The following CNTN4 variants were observed in gnomAD, a reference collection of about 807,000 sequenced individuals.
The protein encoded by CNTN4 is contactin-4.
A neutral mutation model predicts 122.5 loss-of-function variants in CNTN4; 77 were observed. The observed-to-expected ratio is 0.63, with a 90% CI of 0.52 to 0.76. CNTN4 has a LOEUF of 0.76. CNTN4 is among the 30% of genes least tolerant of loss of function. The pLI is 0.00. For synonymous variants in CNTN4, 512 were observed against 447.0 expected (o/e 1.15, Z -1.83); for missense variants, 1,256 against 1,259.1 (o/e 1.00, Z 0.04).
At chr3:2,353,623 G>A (rs116008505) in intron 3 of CNTN4, among the ~76,000 whole-genome samples, 3,087 of 152,034 alleles carry the variant, frequency 0.02, 102 homozygotes, top group African/African-American at 0.071. Context: ...GAACAACTCC[G>A]GACACACCAT....
At chr3:2,421,552 C>T (rs1056051868) in intron 3 of CNTN4, among the ~76,000 whole-genome samples, 6 of 152,078 alleles carry the variant, frequency 3.9e-5, no homozygotes, top group Admixed American at 2.0e-4. Flanking sequence ...GCTCCCAGCC[C>T]CAGCCTTCAT....
chr3:2,747,580 G>C (rs1228893866), intron 6 of CNTN4, among the ~76,000 whole-genome samples: 1 of 151,336 alleles, frequency 6.6e-6, no homozygotes, highest in African/African-American at 2.4e-5. Flanking sequence ...TTCAAGGACA[G>C]TCATTTACAT....
chr3:2,416,617 C>G (rs2047422707), intron 3 of CNTN4, among the ~76,000 whole-genome samples: 1 of 152,096 alleles, frequency 6.6e-6, no homozygotes, highest in Non-Finnish European at 1.5e-5. Context: ...TCGTGTATGA[C>G]TTGTGATGTA....
At chr3:2,299,381 T>C (rs565605659) in intron 2 of CNTN4, among the ~76,000 whole-genome samples, 1 of 152,268 alleles carries the variant, frequency 6.6e-6, no homozygotes, top group Non-Finnish European at 1.5e-5. Flanking sequence ...GGATGAATTA[T>C]ATAGTTGTGA....
chr3:2,271,110 G>A (rs1265395150), intron 2 of CNTN4, among the ~76,000 whole-genome samples: 2 of 152,088 alleles, frequency 1.3e-5, no homozygotes, highest in African/African-American at 4.8e-5. Flanking sequence ...TAAACGGTTT[G>A]GTGTCTCCAT....
At chr3:2,282,775 C>T in intron 2 of CNTN4, among the ~76,000 whole-genome samples, 1 of 152,226 alleles carries the variant, frequency 6.6e-6, no homozygotes, top group Non-Finnish European at 1.5e-5. Flanking sequence ...TTCGATTAAA[C>T]AAAATCTGGC....
intron 4 of CNTN4, among the ~76,000 whole-genome samples, chr3:2,604,265 G>C (rs146639762): frequency 6.6e-6 from 1 of 152,090 alleles, no homozygotes; most frequent in African/African-American, 2.4e-5. Context: ...AAAAGTGGAG[G>C]ATTTCCCTGA....
intron 2 of CNTN4, among the ~76,000 whole-genome samples, chr3:2,125,703 G>T (rs984500853): frequency 3.3e-5 from 5 of 151,426 alleles, no homozygotes; most frequent in South Asian, 2.1e-4. Context: ...GACTACAGGC[G>T]CCTGCCACCA....
At chr3:2,405,477 T>C (rs75530876) in intron 3 of CNTN4, among the ~76,000 whole-genome samples, 5,386 of 152,100 alleles carry the variant, frequency 0.035, 258 homozygotes, top group African/African-American at 0.1. Context: ...GGCACTGACA[T>C]GAAAGAACCC....
chr3:2,937,028 A>G (rs1038601583), intron 13 of CNTN4, among the ~76,000 whole-genome samples: 1 of 152,188 alleles, frequency 6.6e-6, no homozygotes, highest in African/African-American at 2.4e-5. Context: ...TTACAGAAAA[A>G]GTTTGCCAAA....
intron 14 of CNTN4, among the ~76,000 whole-genome samples, chr3:3,007,545 T>C (rs1469296908): frequency 6.6e-6 from 1 of 152,230 alleles, no homozygotes; most frequent in Non-Finnish European, 1.5e-5. Flanking sequence ...AAATAACCTG[T>C]TTAACTTAAA....
At chr3:3,039,926 A>G in intron 19 of CNTN4, 111 bp from the exon 20 acceptor site, 1 of 775,054 alleles carries the variant, frequency 1.3e-6, no homozygotes, top group South Asian at 1.5e-5. Context: ...AACGCCAAAT[A>G]AGATGGGTGG....
chr3:2,915,155 T>C (rs1223672362), intron 12 of CNTN4, among the ~76,000 whole-genome samples: 5 of 152,178 alleles, frequency 3.3e-5, no homozygotes, highest in African/African-American at 1.2e-4. Context: ...AACCTCCACC[T>C]CCCGGGTTCA....
chr3:2,235,173 C>T (rs964993404), intron 2 of CNTN4, among the ~76,000 whole-genome samples: 2 of 152,240 alleles, frequency 1.3e-5, no homozygotes, highest in East Asian at 1.9e-4. Flanking sequence ...TGTCTTTTGA[C>T]TACAGTTTGA....
At chr3:2,254,040 GC>G (rs879002776) in intron 2 of CNTN4, among the ~76,000 whole-genome samples, 4 of 74,780 alleles carry the variant, frequency 5.3e-5, no homozygotes, top group Non-Finnish European at 1.1e-4. Context: ...CCCTCCCCTA[GC>G]CCCCCACCCC....
intron 2 of CNTN4, among the ~76,000 whole-genome samples, chr3:2,316,581 T>C (rs1214687021): frequency 6.6e-6 from 1 of 152,186 alleles, no homozygotes; most frequent in African/African-American, 2.4e-5. Context: ...GATGTTTTTA[T>C]CCCTTTCATT....
At chr3:2,664,356 C>T (rs1559361755) in intron 4 of CNTN4, among the ~76,000 whole-genome samples, 1 of 152,136 alleles carries the variant, frequency 6.6e-6, no homozygotes, top group Non-Finnish European at 1.5e-5. Flanking sequence ...CTGTGGGAAA[C>T]ACTTCTACTT....
intron 2 of CNTN4, among the ~76,000 whole-genome samples, chr3:2,232,256 T>TTAA (rs1343016901): frequency 9.9e-5 from 15 of 152,152 alleles, no homozygotes; most frequent in African/African-American, 2.9e-4. Context: ...AGTATAATTA[T>TTAA]TAATAATTGA....
At chr3:2,267,585 T>C (rs1001410804) in intron 2 of CNTN4, among the ~76,000 whole-genome samples, 3 of 152,084 alleles carry the variant, frequency 2.0e-5, no homozygotes, top group African/African-American at 7.2e-5. Context: ...AAAGTGACAA[T>C]TTGAAAGCAT....
Sources: gnomAD v4.1 joint callset for allele counts (sites outside exome capture counted in the v4.1 genomes callset) on GRCh38, gnomAD v4.1.1 for gene constraint, MANE v1.5 for transcripts, NCBI Gene and HGNC (gene_info 2026-07-23, HGNC 2026-07-21) for gene names.